The following AKAP6 variants were observed in gnomAD, a reference collection of about 807,000 sequenced individuals.
AKAP6 encodes the protein A-kinase anchoring protein 6, also known as A-kinase anchor protein 6.
In AKAP6, 58 loss-of-function variants were observed where a neutral mutation model predicts 188.5. That is an observed-to-expected ratio of 0.31 (90% CI 0.25 to 0.38). The LOEUF (loss-of-function observed/expected upper bound fraction) is 0.38. Ranked by LOEUF, AKAP6 falls within the 10% of genes least tolerant of loss-of-function variation. The probability of loss-of-function intolerance (pLI) is 1.00; values close to 1 mark genes in which losing one functional copy is unlikely to be tolerated. For missense variants in AKAP6, 2,710 were observed against 2,740.0 expected (o/e 0.99, Z 0.24); for synonymous variants, 989 against 998.6 (o/e 0.99, Z 0.18).
At chr14:32,611,286 C>T (rs182248528) in intron 7 of AKAP6, among the ~76,000 whole-genome samples, 38 of 152,266 alleles carry the variant, frequency 2.5e-4, no homozygotes, top group African/African-American at 8.2e-4. Flanking sequence ...CTGTTTAGTA[C>T]AGTGACCTTG....
At chr14:32,725,004 A>AAAAAAAAAC (rs2030782146) in intron 9 of AKAP6, among the ~76,000 whole-genome samples, 2 of 149,186 alleles carry the variant, frequency 1.3e-5, no homozygotes, top group Admixed American at 6.7e-5. Flanking sequence ...AAAAAAAAAA[A>AAAAAAAAAC]AAAAAAAAAA....
chr14:32,597,515 G>T (rs892267549), intron 5 of AKAP6, among the ~76,000 whole-genome samples: 2 of 152,126 alleles, frequency 1.3e-5, no homozygotes, highest in Non-Finnish European at 2.9e-5. Context: ...GTGCAGGCAC[G>T]TTTTGACTAT....
At position 32,518,625 on chromosome 14, in the gene AKAP6, C is replaced by T. The variant is rs1033867962; in HGVS notation, c.325-16929C>T. On this transcript the variant is annotated intron_variant, in intron 2 of 13. Transcript: ENST00000280979. Reference sequence around the variant, plus strand: ...TGAAGATCAAATGTATGAAATGAAGCGAGAAGAGAAGTTTAGAAGAAAAAG... The same window carrying T: ...TGAAGATCAAATGTATGAAATGAAGTGAGAAGAGAAGTTTAGAAGAAAAAG... Among the ~76,000 whole-genome samples the T allele has an allele frequency of 6.6e-5, 10 of 151,892 alleles. No homozygotes were observed. The East Asian group carries it at 7.7e-4, about 12-fold the overall frequency.
chr14:32,396,673 T>C (rs1888890493), intron 1 of AKAP6, among the ~76,000 whole-genome samples: 1 of 152,158 alleles, frequency 6.6e-6, no homozygotes, highest in South Asian at 2.1e-4. Context: ...TCTCTTTCTC[T>C]GGAGGCTTTT....
intron 1 of AKAP6, among the ~76,000 whole-genome samples, chr14:32,407,185 C>A (rs1045587353): frequency 6.6e-6 from 1 of 152,174 alleles, no homozygotes; most frequent in East Asian, 1.9e-4. Context: ...TTCTTGGCTA[C>A]CCCTGTTTCC....
intron 1 of AKAP6, among the ~76,000 whole-genome samples, chr14:32,380,643 T>C (rs1206422731): frequency 1.3e-5 from 2 of 152,184 alleles, no homozygotes; most frequent in African/African-American, 2.4e-5. Flanking sequence ...AATTTCTGCC[T>C]CTCATAAGGG....
chr14:32,574,218 C>A (rs1199524301), intron 4 of AKAP6, among the ~76,000 whole-genome samples: 1 of 151,996 alleles, frequency 6.6e-6, no homozygotes, highest in Non-Finnish European at 1.5e-5. Context: ...TTAGTATTGG[C>A]AAGAAAAGAG....
At chr14:32,796,467 G>T (rs2033771809) in intron 12 of AKAP6, among the ~76,000 whole-genome samples, 1 of 152,020 alleles carries the variant, frequency 6.6e-6, no homozygotes, top group African/African-American at 2.4e-5. Context: ...GAGAACTCAG[G>T]ATTAAGACTT....
intron 2 of AKAP6, among the ~76,000 whole-genome samples, chr14:32,518,554 G>A (rs549920551): frequency 1.6e-3 from 240 of 152,290 alleles, no homozygotes; most frequent in African/African-American, 5.5e-3. Context: ...ACATGCACAA[G>A]CTTCAGTAGC....
intron 8 of AKAP6, among the ~76,000 whole-genome samples, chr14:32,684,448 T>C (rs902530364): frequency 2.0e-5 from 3 of 152,250 alleles, no homozygotes; most frequent in Admixed American, 6.5e-5. Context: ...GACTATTATT[T>C]TCTCTCTTAA....
chr14:32,768,835 A>T (rs1189951537), intron 11 of AKAP6, among the ~76,000 whole-genome samples: 1 of 151,994 alleles, frequency 6.6e-6, no homozygotes, highest in Non-Finnish European at 1.5e-5. Context: ...AGTATTCCTG[A>T]TTCAGAAGAC....
intron 2 of AKAP6, among the ~76,000 whole-genome samples, chr14:32,488,750 G>A (rs1223634552): frequency 1.3e-5 from 2 of 152,090 alleles, no homozygotes; most frequent in Non-Finnish European, 1.5e-5. Flanking sequence ...TCCTTCACTC[G>A]TGGCCCTAGG....
chr14:32,690,958 A>C (rs1369650889), intron 8 of AKAP6, among the ~76,000 whole-genome samples: 4 of 152,202 alleles, frequency 2.6e-5, no homozygotes, highest in Non-Finnish European at 5.9e-5. Context: ...TTTGCTTTAT[A>C]ACACTTTCAT....
intron 2 of AKAP6, among the ~76,000 whole-genome samples, chr14:32,440,661 GT>G (rs1475036545): frequency 1.3e-5 from 2 of 152,102 alleles, no homozygotes; most frequent in Non-Finnish European, 2.9e-5. Context: ...ATCTGGTGCT[GT>G]TTGTGTAACA....
intron 5 of AKAP6, among the ~76,000 whole-genome samples, chr14:32,589,270 T>C (rs1461118280): frequency 6.6e-6 from 1 of 152,220 alleles, no homozygotes; most frequent in Non-Finnish European, 1.5e-5. Flanking sequence ...CCCATTTGCT[T>C]GTCCCCCTTG....
chr14:32,571,111 C>T (rs1038280883), intron 4 of AKAP6, among the ~76,000 whole-genome samples: 1 of 152,146 alleles, frequency 6.6e-6, no homozygotes, highest in Non-Finnish European at 1.5e-5. Flanking sequence ...ATACTTAAAA[C>T]AGGTTCTGGC....
chr14:32,454,694 TCCCTCCCTCC>T (rs1891071681), intron 2 of AKAP6, among the ~76,000 whole-genome samples: 4 of 44,608 alleles, frequency 9.0e-5, no homozygotes, highest in African/African-American at 3.2e-4. Flanking sequence ...CTTCCCTCCC[TCCCTCCCTCC>T]CTCCTTCCCT....
At chr14:32,488,069 C>T (rs1446208201) in intron 2 of AKAP6, among the ~76,000 whole-genome samples, 2 of 152,186 alleles carry the variant, frequency 1.3e-5, no homozygotes, top group Non-Finnish European at 2.9e-5. Context: ...TTGGGAGATC[C>T]GCTGGTCTCT....
At chr14:32,625,439 C>G (rs933837894) in intron 7 of AKAP6, among the ~76,000 whole-genome samples, 1 of 152,076 alleles carries the variant, frequency 6.6e-6, no homozygotes, top group Non-Finnish European at 1.5e-5. Flanking sequence ...GTTTTTCTCT[C>G]TTGACAGCTA....
Sources: gnomAD v4.1 joint callset for allele counts (sites outside exome capture counted in the v4.1 genomes callset) on GRCh38, gnomAD v4.1.1 for gene constraint, MANE v1.5 for transcripts, NCBI Gene and HGNC (gene_info 2026-07-23, HGNC 2026-07-21) for gene names.